Variants in PCDHA3 observed in about 807,000 individuals in gnomAD.
The protein encoded by PCDHA3 is protocadherin alpha-3.
PCDHA3 carries 41 observed loss-of-function variants against 62.2 expected under a neutral mutation model. The ratio of observed to expected loss-of-function variants is 0.66; its 90% confidence interval spans 0.51 to 0.86. PCDHA3 has a LOEUF of 0.86. Among genes scored for constraint, PCDHA3 ranks in the 40% least tolerant of loss-of-function variants. The pLI, the probability that PCDHA3 is intolerant of heterozygous loss-of-function variation, is 0.00. For synonymous variants in PCDHA3, 640 were observed against 555.4 expected (o/e 1.15, Z -2.14); for missense variants, 1,304 against 1,241.2 (o/e 1.05, Z -0.76).
At chr5:140,835,774 T>C in intron 1 of PCDHA3, 3 of 1,613,040 alleles carry the variant, frequency 1.9e-6, no homozygotes, top group Non-Finnish European at 2.5e-6. Context: ...ACGGTGTTCG[T>C]GAAGGAGAAC....
chr5:140,839,259 C>CATGT (rs1776124164), intron 1 of PCDHA3, among the ~76,000 whole-genome samples: 1 of 152,020 alleles, frequency 6.6e-6, no homozygotes, highest in African/African-American at 2.4e-5. Flanking sequence ...TGCTTACATG[C>CATGT]ATGTATATTT....
At chr5:140,922,190 T>C (rs1486044845) in intron 1 of PCDHA3, among the ~76,000 whole-genome samples, 2 of 152,154 alleles carry the variant, frequency 1.3e-5, no homozygotes, top group African/African-American at 4.8e-5. Flanking sequence ...AAAAAAGTCT[T>C]ATCTTTAATG....
At chr5:140,847,137 TA>T (rs1554141666) in intron 1 of PCDHA3, among the ~76,000 whole-genome samples, 1 of 149,712 alleles carries the variant, frequency 6.7e-6, no homozygotes, top group Non-Finnish European at 1.5e-5. Context: ...AAAACCAATG[TA>T]AGAAGATCTC....
chr5:140,847,202 C>A (rs1780900949), intron 1 of PCDHA3, among the ~76,000 whole-genome samples: 1 of 149,570 alleles, frequency 6.7e-6, no homozygotes, highest in Non-Finnish European at 1.5e-5. Flanking sequence ...AATTTGGCCA[C>A]TCTTTAGAAT....
intron 1 of PCDHA3, among the ~76,000 whole-genome samples, chr5:140,918,314 A>G (rs2078635890): frequency 1.3e-5 from 2 of 152,138 alleles, no homozygotes; most frequent in Admixed American, 1.3e-4. Context: ...TTTTCTAGGT[A>G]TAAAATTATA....
At chr5:140,971,209 C>T (rs147218200) in intron 1 of PCDHA3, among the ~76,000 whole-genome samples, 3 of 152,118 alleles carry the variant, frequency 2.0e-5, no homozygotes, top group African/African-American at 7.2e-5. Context: ...ACACTGTTAC[C>T]CTCCCTCTCC....
chr5:140,999,574 A>G (rs2097863527), intron 3 of PCDHA3, among the ~76,000 whole-genome samples: 1 of 152,170 alleles, frequency 6.6e-6, no homozygotes, highest in South Asian at 2.1e-4. Context: ...AAGAGACTAT[A>G]AAGGGAAATT....
intron 1 of PCDHA3, among the ~76,000 whole-genome samples, chr5:140,838,160 CTG>C (rs1554136900): frequency 6.7e-6 from 1 of 149,878 alleles, no homozygotes; most frequent in African/African-American, 2.5e-5. Context: ...GTCGCCCTCT[CTG>C]GAGTGCAGTG....
intron 1 of PCDHA3, chr5:140,841,259 G>GA: frequency 6.6e-7 from 1 of 1,517,710 alleles, no homozygotes; most frequent in East Asian, 2.3e-5. Flanking sequence ...AAAAGACTCT[G>GA]AAAGTACAGT....
intron 1 of PCDHA3, among the ~76,000 whole-genome samples, chr5:140,900,446 T>C (rs1344652526): frequency 6.6e-6 from 1 of 152,154 alleles, no homozygotes; most frequent in African/African-American, 2.4e-5. Context: ...GCCGGCTAAT[T>C]TTTTATTTTT....
intron 1 of PCDHA3, among the ~76,000 whole-genome samples, chr5:140,846,908 T>C (rs991688618): frequency 6.7e-6 from 1 of 149,590 alleles, no homozygotes; most frequent in Admixed American, 6.7e-5. Flanking sequence ...TGAAAGACAA[T>C]CATTTCCTAT....
rs565339027 is a variant in PCDHA3, at chr5:141,010,492, C to G, written c.*555C>G. ...AGGGGAAGTGTAAACTTAAAGGGAC[C>G]AGACTTTCTAAATCTTACAACTCAA... On this transcript the variant is annotated 3_prime_UTR_variant, in exon 4 of 4. Transcript: ENST00000522353. 28 of 628,626 alleles carry G rather than the reference C, an allele frequency of 4.5e-5. No homozygotes were observed. Among genetic ancestry groups the G allele is most frequent in the Admixed American group, 1.7e-4 (5 of 29,282 alleles). 38.9% of individuals were successfully genotyped at this position (628,626 alleles called of 1,614,324 possible).
intron 1 of PCDHA3, among the ~76,000 whole-genome samples, chr5:140,873,901 T>A (rs2153302941): frequency 6.6e-6 from 1 of 152,352 alleles, no homozygotes; most frequent in South Asian, 2.1e-4. Context: ...CCTCAGGTGA[T>A]CTGCCTGCCT....
chr5:140,980,834 C>A (rs1424222678), intron 2 of PCDHA3, among the ~76,000 whole-genome samples: 1 of 151,974 alleles, frequency 6.6e-6, no homozygotes, highest in Non-Finnish European at 1.5e-5. Context: ...AGTTGTGAAC[C>A]TAAATAATAC....
At chr5:140,902,974 A>T (rs1291767760) in intron 1 of PCDHA3, among the ~76,000 whole-genome samples, 1 of 152,178 alleles carries the variant, frequency 6.6e-6, no homozygotes, top group African/African-American at 2.4e-5. Context: ...ATGGGCATTT[A>T]GGTTGGTTCC....
chr5:140,838,467 T>A (rs1775746524), intron 1 of PCDHA3, among the ~76,000 whole-genome samples: 1 of 151,796 alleles, frequency 6.6e-6, no homozygotes, highest in South Asian at 2.1e-4. Flanking sequence ...TCATTAGCGC[T>A]TATTCCTTGT....
rs2150170274 is a variant in PCDHA3, at chr5:140,829,569, C to A, written c.2394+25978C>A. The A allele has an allele frequency of 3.7e-6, 6 of 1,612,484 alleles. No homozygotes were observed. The African/African-American group carries it at 4.0e-5, about 11-fold the overall frequency. ...CAGGAGAACGCGCTGGTGTCCTACT[C>A]GCTGGTGGAGCGGCGGGTGGGCGAG... On this transcript the variant is annotated intron_variant, in intron 1 of 3. Transcript: ENST00000522353.
At chr5:140,904,974 T>C (rs537444148) in intron 1 of PCDHA3, among the ~76,000 whole-genome samples, 97 of 152,356 alleles carry the variant, frequency 6.4e-4, no homozygotes, top group African/African-American at 2.2e-3. Context: ...GTGACTATTT[T>C]CTCCCACTCT....
chr5:141,009,563 C>A, intron 3 of PCDHA3, 64 bp from the exon 4 acceptor site: 1 of 1,571,920 alleles, frequency 6.4e-7, no homozygotes, highest in Non-Finnish European at 8.6e-7. Flanking sequence ...TGTACTCTAC[C>A]AGCAGTGTGG....
Sources: allele counts gnomAD v4.1 joint callset (sites outside exome capture counted in the v4.1 genomes callset), GRCh38; gene constraint gnomAD v4.1.1; transcripts MANE v1.5; gene names NCBI Gene and HGNC (gene_info 2026-07-23, HGNC 2026-07-21).